PEAK3: variants seen among roughly 807,000 people sequenced by gnomAD.
The protein encoded by PEAK3 is PEAK family member 3.
In PEAK3, 15 loss-of-function variants were observed where a neutral mutation model predicts 13.3. That is an observed-to-expected ratio of 1.13 (90% CI 0.75 to 1.73). PEAK3 has a LOEUF of 1.73. Ranked by LOEUF, PEAK3 falls within the 40% of genes most tolerant of loss-of-function variation. PEAK3 has a pLI of 0.00. For missense variants in PEAK3, 739 were observed against 690.2 expected, an observed-to-expected ratio of 1.07 and a Z score of -0.79; for synonymous variants, 347 against 341.9, an observed-to-expected ratio of 1.01 and a Z score of -0.17.
At position 2,275,411 on chromosome 19, in the gene PEAK3, C is replaced by T. The variant is rs2025374832; in HGVS notation, c.*269G>A. On this transcript the variant is annotated 3_prime_UTR_variant, in exon 4 of 4. Transcript: ENST00000342063. Reference sequence around the variant, plus strand: ...CGGGGTTGTCCACACCTGGAAGTGGCGTGGGGGCCCTGGCTTCAGAGAGCT... The same window carrying T: ...CGGGGTTGTCCACACCTGGAAGTGGTGTGGGGGCCCTGGCTTCAGAGAGCT... 8.9e-6 allele frequency: 3 copies of T among 336,454 alleles called. No individual in the cohort carries two copies. Among genetic ancestry groups the T allele is most frequent in the Admixed American group, 9.7e-5 (2 of 20,646 alleles). 20.8% of individuals were successfully genotyped at this position (336,454 alleles called of 1,614,324 possible). A position where few individuals can be genotyped will look rare whatever the true frequency, so the allele number is the denominator to read the frequency against.
Position 2,276,289 on chromosome 19 carries a change from C to T in PEAK3, c.813G>A (p.Thr271=). 1.3e-6 allele frequency: 2 copies of T among 1,591,786 alleles called. No individual in the cohort carries two copies. The highest frequency in any genetic ancestry group is 1.1e-5 in the South Asian group (1 of 89,538). ...CCCACACGAACTCCTCCGGCGGCTG[C>T]GTGCAGGCCTCCGCCAGCCACTGCG... ...TVAQWLAEAC[T]QPPEEFVWAV... The change falls in exon 4 of 4, where the codon ACG becomes ACA. Residue 271 remains threonine, a synonymous_variant. Coordinates refer to ENST00000342063, the MANE Select transcript of PEAK3 (RefSeq NM_198532.3).
intron 3 of PEAK3, among the ~76,000 whole-genome samples, chr19:2,278,333 G>A (rs1016892167): frequency 2.8e-5 from 4 of 144,040 alleles, no homozygotes; most frequent in Non-Finnish European, 4.5e-5. Flanking sequence ...CCTAATTTTT[G>A]TATTTTTAGT....
chr19:2,281,816 T>C (rs1440355044), intron 1 of PEAK3, among the ~76,000 whole-genome samples: 1 of 152,182 alleles, frequency 6.6e-6, no homozygotes, highest in Non-Finnish European at 1.5e-5. Context: ...ATGAGGCAGG[T>C]CTGTCACCCA....
chr19:2,280,689 G>T (rs1389536716), intron 2 of PEAK3, among the ~76,000 whole-genome samples, 161 bp downstream of exon 2: 1 of 152,004 alleles, frequency 6.6e-6, no homozygotes, highest in Admixed American at 6.6e-5. Flanking sequence ...GGCCTACTCC[G>T]GGCCTTCCCG....
chr19:2,279,965 G>T (rs999327113), intron 2 of PEAK3, among the ~76,000 whole-genome samples: 2 of 151,304 alleles, frequency 1.3e-5, no homozygotes, highest in African/African-American at 4.9e-5. Flanking sequence ...TGTTAGCCAG[G>T]CTGGTTTCAA....
Position 2,278,451 on chromosome 19 carries a change from G to A in PEAK3, c.612+133C>T, listed in dbSNP as rs140586530. On this transcript the variant is annotated intron_variant, in intron 3 of 3. Transcript: ENST00000342063. Reference sequence around the variant, plus strand: ...GCTGGGATGACAGGCGTGAGCCACCGCGCCCGGCTCCAGTATTTCTTTACA... The same window carrying A: ...GCTGGGATGACAGGCGTGAGCCACCACGCCCGGCTCCAGTATTTCTTTACA... The A allele has an allele frequency of 1.4e-4, 148 of 1,078,338 alleles. 1 individual carries two copies. In the African/African-American group the frequency reaches 2.0e-3, roughly 15 times the overall value. 66.8% of individuals were successfully genotyped at this position (1,078,338 alleles called of 1,614,324 possible).
chr19:2,281,920 C>T (rs1016041850), intron 1 of PEAK3, among the ~76,000 whole-genome samples, 167 bp downstream of exon 1: 3 of 152,126 alleles, frequency 2.0e-5, no homozygotes, highest in South Asian at 2.1e-4. Context: ...GGGTCAGTTG[C>T]GGGGGAGACA....
In PEAK3 at chr19:2,275,654, C is replaced by T; in HGVS notation, c.*26G>A. The T allele has an allele frequency of 2.1e-6, 3 of 1,416,524 alleles. No homozygotes were observed. Among genetic ancestry groups the T allele is most frequent in the Non-Finnish European group, 1.9e-6 (2 of 1,081,084 alleles). The allele number at this position is 1,416,524 out of a possible 1,614,324, so 87.7% of individuals were successfully genotyped here. A position where few individuals can be genotyped will look rare whatever the true frequency, so the allele number is the denominator to read the frequency against. On this transcript the variant is annotated 3_prime_UTR_variant, in exon 4 of 4. Transcript: ENST00000342063. ...GCCCTGCCTCCTGGGCAGGCCTGGA[C>T]CAGGTGTGTTCGCCCTGGGTTGGGG... is the stretch of plus-strand genomic sequence containing the variant.
Position 2,276,115 on chromosome 19 carries a change from A to C in PEAK3, c.987T>G (p.Thr329=). ...GCTGCAGACAGACGCGGCCAAAGTC[A>C]GTGAGGAGCAGGCGTGGGGGCCCCG... ...ATTGPPRLLL[T]DFGRVCLQPP... The change falls in exon 4 of 4, where the codon ACT becomes ACG. Residue 329 remains threonine (T), a synonymous_variant. Coordinates refer to ENST00000342063, the MANE Select transcript of PEAK3 (RefSeq NM_198532.3). The C allele has an allele frequency of 6.6e-7, 1 of 1,524,280 alleles. No individual in the cohort carries two copies. The highest frequency in any genetic ancestry group is 8.8e-7 in the Non-Finnish European group (1 of 1,134,892). 94.4% of individuals were successfully genotyped at this position (1,524,280 alleles called of 1,614,324 possible).
chr19:2,278,615 T>TG lies in PEAK3; in HGVS notation c.580dup (p.His194ProfsTer46). On this transcript the variant is annotated frameshift_variant, in exon 3 of 4. Transcript: ENST00000342063. LOFTEE classifies it low-confidence loss of function (END_TRUNC). Reference sequence around the variant, plus strand: ...GACCAGGATGTGCCAGGCGTCCTCGTGCGCGCGCACCACGCGGTAATACAG... The same window carrying TG: ...GACCAGGATGTGCCAGGCGTCCTCGTGGCGCGCGCACCACGCGGTAATACAG... The TG allele has an allele frequency of 6.7e-7, 1 of 1,491,674 alleles. No homozygotes were observed. The highest frequency in any genetic ancestry group is 2.3e-5 in the East Asian group (1 of 42,756). The allele number at this position is 1,491,674 out of a possible 1,614,324, so 92.4% of individuals were successfully genotyped here.
chr19:2,281,264 C>T (rs1410925858), intron 1 of PEAK3, among the ~76,000 whole-genome samples: 5 of 130,796 alleles, frequency 3.8e-5, no homozygotes, highest in Non-Finnish European at 6.6e-5. Context: ...GGGTTTGCTG[C>T]CCTCTCTGGG....
intron 2 of PEAK3, 100 bp downstream of exon 2, chr19:2,280,750 G>A (rs2025431541): frequency 6.4e-6 from 6 of 942,028 alleles, no homozygotes; most frequent in Non-Finnish European, 8.0e-6. Context: ...CATGGTGCCC[G>A]GCAACCTCCT....
chr19:2,281,140 T>TCA (rs1294605911), intron 1 of PEAK3, among the ~76,000 whole-genome samples: 2 of 151,304 alleles, frequency 1.3e-5, no homozygotes, highest in African/African-American at 2.4e-5. Flanking sequence ...TCCTGTCCTC[T>TCA]CTGGGCCCCT....
At position 2,279,042 on chromosome 19, in the gene PEAK3, G is replaced by A. The variant is rs774118451; in HGVS notation, c.154C>T (p.Pro52Ser). 1.3e-6 allele frequency: 2 copies of A among 1,511,838 alleles called. No individual in the cohort carries two copies. Among genetic ancestry groups the A allele is most frequent in the Non-Finnish European group, 1.8e-6 (2 of 1,124,514 alleles). 93.7% of individuals were successfully genotyped at this position (1,511,838 alleles called of 1,614,324 possible). The change falls in exon 3 of 4, where the codon CCA becomes TCA. Residue 52 changes from proline to serine, a missense_variant. Pro to Ser is a moderately conservative substitution (Grantham distance 74, BLOSUM62 -1). Coordinates refer to ENST00000342063, the MANE Select transcript of PEAK3 (RefSeq NM_198532.3). ...LRTPGSLSTN[P>S]EPLPPPLPKK... ...GGCAGGGGTGGGGGCAGGGGCTCTG[G>A]GTTGGTGGAGAGGGACCCAGGGGTC...
chr19:2,278,545 C>A, intron 3 of PEAK3, 39 bp downstream of exon 3: 1 of 1,426,530 alleles, frequency 7.0e-7, no homozygotes, highest in South Asian at 1.7e-5. Context: ...AGATGGGGCA[C>A]TGGGGACACC....
rs2523178 is a variant in PEAK3, at chr19:2,275,080, A to G, written c.*600T>C. ...AGGCAGGGTGGGCGCAGAGGGATTGAGGGGAGGTGGCAGGGAACCGCGGGG... is the reference window on the plus strand; with the variant it reads ...AGGCAGGGTGGGCGCAGAGGGATTGGGGGGAGGTGGCAGGGAACCGCGGGG... On this transcript the variant is annotated 3_prime_UTR_variant, in exon 4 of 4. Coordinates refer to ENST00000342063, the MANE Select transcript of PEAK3 (RefSeq NM_198532.3). 0.62 allele frequency: 93,831 copies of G among 151,762 alleles called. 31,784 individuals carry two copies. Among genetic ancestry groups the G allele is most frequent in the East Asian group, 0.89 (4,537 of 5,122 alleles). The allele number at this position is 151,762 out of a possible 1,614,324, so 9.4% of individuals were successfully genotyped here.
Position 2,274,943 on chromosome 19 carries a change from A to AAG in PEAK3, c.*736_*737insCT, listed in dbSNP as rs1555740303. On this transcript the variant is annotated 3_prime_UTR_variant, in exon 4 of 4. Transcript: ENST00000342063. The stretch of plus-strand genomic sequence containing the variant: ...GCCGAGATCGTCTCAAAAAAAAAAA[A>AAG]AAAAAAAAAAGAAAAAGAAAGTGGA... The AAG allele has an allele frequency of 3.5e-5, 5 of 141,890 alleles. No homozygotes were observed. The highest frequency in any genetic ancestry group is 4.6e-5 in the Non-Finnish European group (3 of 65,078). 8.8% of individuals were successfully genotyped at this position (141,890 alleles called of 1,614,324 possible). A position where few individuals can be genotyped will look rare whatever the true frequency, so the allele number is the denominator to read the frequency against.
intron 1 of PEAK3, among the ~76,000 whole-genome samples, chr19:2,281,292 T>C (rs1292746102): frequency 7.8e-5 from 8 of 102,840 alleles, no homozygotes; most frequent in Admixed American, 9.6e-5. Context: ...TGTGTGATCC[T>C]GAGTGGGTTT....
intron 3 of PEAK3, among the ~76,000 whole-genome samples, chr19:2,278,141 GTGTGAGC>G (rs2025407294): frequency 6.7e-6 from 1 of 148,656 alleles, no homozygotes; most frequent in African/African-American, 2.5e-5. Context: ...GGGATTACAG[GTGTGAGC>G]CACTGTGCCC....
Sources: gnomAD v4.1 joint callset for allele counts (sites outside exome capture counted in the v4.1 genomes callset) on GRCh38, gnomAD v4.1.1 for gene constraint, MANE v1.5 for transcripts, NCBI Gene and HGNC (gene_info 2026-07-23, HGNC 2026-07-21) for gene names.